CNTNAP2: variants seen among roughly 807,000 people sequenced by gnomAD.
CNTNAP2 encodes the protein contactin-associated protein-like 2.
A neutral mutation model predicts 155.2 loss-of-function variants in CNTNAP2; 98 were observed. The ratio of observed to expected loss-of-function variants is 0.63; its 90% CI spans 0.54 to 0.75. The LOEUF (loss-of-function observed/expected upper bound fraction) is 0.75. Ranked by LOEUF, CNTNAP2 falls within the 30% of genes least tolerant of loss-of-function variation. The probability of loss-of-function intolerance (pLI) is 0.00; values close to 1 mark genes in which losing one functional copy is unlikely to be tolerated. For missense variants in CNTNAP2, 1,727 were observed against 1,688.1 expected (o/e 1.02, Z -0.40); for synonymous variants, 651 against 631.2 (o/e 1.03, Z -0.47).
intron 13 of CNTNAP2, among the ~76,000 whole-genome samples, chr7:147,891,613 C>T (rs1045250317): frequency 6.6e-6 from 1 of 152,024 alleles, no homozygotes; most frequent in African/African-American, 2.4e-5. Context: ...GATATAAACA[C>T]AACTATTTCC....
chr7:148,343,852 C>A (rs1477424887), intron 21 of CNTNAP2, among the ~76,000 whole-genome samples: 1 of 152,134 alleles, frequency 6.6e-6, no homozygotes, highest in Non-Finnish European at 1.5e-5. Flanking sequence ...CCATGTGAAC[C>A]ATATATCTCT....
chr7:146,699,765 C>A (rs764373855), intron 1 of CNTNAP2, among the ~76,000 whole-genome samples: 4 of 151,914 alleles, frequency 2.6e-5, no homozygotes, highest in Non-Finnish European at 5.9e-5. Flanking sequence ...ATCAGGAATT[C>A]GAGACCAGCC....
At chr7:146,660,751 C>T (rs918436137) in intron 1 of CNTNAP2, among the ~76,000 whole-genome samples, 3 of 152,152 alleles carry the variant, frequency 2.0e-5, no homozygotes, top group African/African-American at 7.2e-5. Context: ...TTAAGGGCTT[C>T]TTAAAACAAA....
At chr7:148,182,296 G>C (rs2116705503) in intron 18 of CNTNAP2, among the ~76,000 whole-genome samples, 1 of 144,610 alleles carries the variant, frequency 6.9e-6, no homozygotes, top group African/African-American at 2.5e-5. Context: ...AGCCAAAAAG[G>C]AACTGGTCTG....
intron 3 of CNTNAP2, among the ~76,000 whole-genome samples, chr7:146,848,032 G>A (rs1199200810): frequency 6.6e-6 from 1 of 152,098 alleles, no homozygotes; most frequent in African/African-American, 2.4e-5. Context: ...CTTGAAAATA[G>A]GCTTATAAGT....
At chr7:146,508,310 A>G (rs1049913844) in intron 1 of CNTNAP2, among the ~76,000 whole-genome samples, 1 of 152,192 alleles carries the variant, frequency 6.6e-6, no homozygotes, top group Non-Finnish European at 1.5e-5. Context: ...TGGAGTCTGA[A>G]TTCTCTGACC....
At chr7:146,985,956 A>G (rs1172716684) in intron 3 of CNTNAP2, among the ~76,000 whole-genome samples, 3 of 146,066 alleles carry the variant, frequency 2.1e-5, no homozygotes, top group Admixed American at 6.7e-5. Flanking sequence ...TTTTTTAAGA[A>G]AAAATGATTT....
chr7:147,667,025 C>A (rs1021837705), intron 13 of CNTNAP2, among the ~76,000 whole-genome samples: 4 of 152,144 alleles, frequency 2.6e-5, no homozygotes, highest in Admixed American at 6.5e-5. Context: ...CCTCCCAGCA[C>A]CATGATGATC....
chr7:148,089,728 T>G (rs1025322935), intron 15 of CNTNAP2, among the ~76,000 whole-genome samples: 1 of 151,638 alleles, frequency 6.6e-6, no homozygotes, highest in Non-Finnish European at 1.5e-5. Flanking sequence ...GATCTACAGA[T>G]TTAACATAAT....
chr7:146,306,126 C>A (rs913721064), intron 1 of CNTNAP2, among the ~76,000 whole-genome samples: 2 of 152,122 alleles, frequency 1.3e-5, no homozygotes, highest in African/African-American at 4.8e-5. Flanking sequence ...CACCTCTATG[C>A]AAATAACCTA....
At chr7:146,814,956 A>T in intron 2 of CNTNAP2, among the ~76,000 whole-genome samples, 1 of 152,208 alleles carries the variant, frequency 6.6e-6, no homozygotes, top group East Asian at 1.9e-4. Flanking sequence ...AAGGAAAAGA[A>T]AATTTATGAA....
At chr7:146,874,619 G>A (rs918853195) in intron 3 of CNTNAP2, among the ~76,000 whole-genome samples, 3 of 152,124 alleles carry the variant, frequency 2.0e-5, no homozygotes, top group African/African-American at 4.8e-5. Flanking sequence ...GATTACAGGC[G>A]TGAGCCACCA....
intron 1 of CNTNAP2, among the ~76,000 whole-genome samples, chr7:146,361,651 G>T (rs2159674): frequency 0.24 from 36,160 of 152,054 alleles, 4,911 homozygotes; most frequent in Admixed American, 0.4. Flanking sequence ...CTGGTGGAGA[G>T]TAGATTACTC....
chr7:147,488,790 C>G (rs903518676), intron 11 of CNTNAP2, among the ~76,000 whole-genome samples: 1 of 152,116 alleles, frequency 6.6e-6, no homozygotes, highest in Admixed American at 6.5e-5. Context: ...TTTGACTTTA[C>G]CATTTTCTTA....
chr7:147,451,791 A>G (rs1334764292), intron 10 of CNTNAP2, among the ~76,000 whole-genome samples: 1 of 151,566 alleles, frequency 6.6e-6, no homozygotes, highest in South Asian at 2.1e-4. Flanking sequence ...ACTCACATTG[A>G]AATTTAATTG....
intron 1 of CNTNAP2, among the ~76,000 whole-genome samples, chr7:146,578,047 C>T (rs1798551967): frequency 6.6e-6 from 1 of 152,036 alleles, no homozygotes; most frequent in South Asian, 2.1e-4. Context: ...TTTTCTATGC[C>T]TGGTTATTAA....
chr7:146,740,291 T>G (rs1000185223), intron 1 of CNTNAP2, among the ~76,000 whole-genome samples: 27 of 135,476 alleles, frequency 2.0e-4, no homozygotes, highest in African/African-American at 5.0e-4. Flanking sequence ...AGGATTTCTG[T>G]TTTTTTTTTT....
chr7:146,928,929 C>T (rs2129222170), intron 3 of CNTNAP2, among the ~76,000 whole-genome samples: 2 of 152,322 alleles, frequency 1.3e-5, no homozygotes, highest in South Asian at 4.1e-4. Flanking sequence ...AACAAAGCAG[C>T]CAGGAAGCTG....
intron 8 of CNTNAP2, among the ~76,000 whole-genome samples, chr7:147,177,344 G>A (rs1003521355): frequency 1.3e-5 from 2 of 152,014 alleles, no homozygotes; most frequent in Non-Finnish European, 2.9e-5. Flanking sequence ...AAGTTCTCAC[G>A]AGAGCTGATG....
Sources: gnomAD v4.1 joint callset for allele counts (sites outside exome capture counted in the v4.1 genomes callset) on GRCh38, gnomAD v4.1.1 for gene constraint, MANE v1.5 for transcripts, NCBI Gene and HGNC (gene_info 2026-07-23, HGNC 2026-07-21) for gene names.